The following TENM2 variants were observed in gnomAD, a reference collection of about 807,000 sequenced individuals.
TENM2 encodes the protein teneurin-2.
Under a neutral mutation model 245.2 loss-of-function variants are expected in TENM2, and 52 were observed. The observed-to-expected ratio is 0.21, with a 90% CI of 0.17 to 0.27. The LOEUF is 0.27. Among genes scored for constraint, TENM2 ranks in the 10% least tolerant of loss-of-function variants. The pLI, the probability that TENM2 is intolerant of heterozygous loss-of-function variation, is 1.00. For synonymous variants in TENM2, 1,363 were observed against 1,438.9 expected (o/e 0.95, Z 1.19); for missense variants, 3,046 against 3,666.8 (o/e 0.83, Z 4.37).
In TENM2 at chr5:167,382,121, A is replaced by C. The variant is rs547331386; in HGVS notation, c.502+6648A>C. On this transcript the variant is annotated intron_variant, in intron 2 of 28. Transcript: ENST00000518659. ...AAGCTATTTTAATGTAAAAGTATTT[A>C]GGTGGACTATTTGGAAATAGATGGA... Among the ~76,000 whole-genome samples the C allele has an allele frequency of 1.5e-3, 234 of 152,322 alleles. 3 individuals are homozygous for C. The highest frequency in any genetic ancestry group is 2.9e-3 in the South Asian group (14 of 4,832).
rs142450733 is a variant in TENM2, at chr5:167,470,883, A to G, written c.502+95410A>G. On this transcript the variant is annotated intron_variant, in intron 2 of 28. Transcript: ENST00000518659. ...ACCCATTGAAGGAGGTCTGTCATCT[A>G]TATAGGGTTTGGCAGCTTAGTATGG... is the stretch of plus-strand genomic sequence containing the variant. 3.5e-3 allele frequency among the ~76,000 whole-genome samples: 526 copies of G among 152,254 alleles called. 3 individuals are homozygous for G. Among genetic ancestry groups the G allele is most frequent in the African/African-American group, 0.012 (492 of 41,550 alleles).
At chr5:167,346,974 A>G (rs915069069) in intron 1 of TENM2, among the ~76,000 whole-genome samples, 6 of 151,856 alleles carry the variant, frequency 4.0e-5, no homozygotes, top group African/African-American at 1.2e-4. Flanking sequence ...GGGTCTTGCC[A>G]TGTTGCCCAG....
chr5:166,985,532 G>C, the TENM2 span, among the ~76,000 whole-genome samples: 1 of 152,052 alleles, frequency 6.6e-6, no homozygotes, highest in South Asian at 2.1e-4. Flanking sequence ...CAACTTGTGT[G>C]ACCCAAAATC....
chr5:167,246,879 A>G, the TENM2 span, among the ~76,000 whole-genome samples: 2 of 151,976 alleles, frequency 1.3e-5, no homozygotes, highest in African/African-American at 2.4e-5. Flanking sequence ...AAGCCCCCCT[A>G]CTAACATCGC....
At chr5:168,241,755 A>G (rs1766122802) in intron 25 of TENM2, among the ~76,000 whole-genome samples, 1 of 152,184 alleles carries the variant, frequency 6.6e-6, no homozygotes, top group Non-Finnish European at 1.5e-5. Flanking sequence ...CATGAAAGTG[A>G]AAATGGGATC....
At chr5:167,579,677 A>G (rs1162340674) in intron 2 of TENM2, among the ~76,000 whole-genome samples, 2 of 152,186 alleles carry the variant, frequency 1.3e-5, no homozygotes, top group African/African-American at 4.8e-5. Flanking sequence ...AGTGTGGAGA[A>G]TTCTTAAAGT....
the TENM2 span, among the ~76,000 whole-genome samples, chr5:167,145,131 G>A: frequency 6.6e-6 from 1 of 152,086 alleles, no homozygotes; most frequent in Non-Finnish European, 1.5e-5. Flanking sequence ...TGAATACTCC[G>A]TAATAATCTC....
At chr5:167,966,645 A>G (rs1359311984) in intron 4 of TENM2, among the ~76,000 whole-genome samples, 1 of 152,220 alleles carries the variant, frequency 6.6e-6, no homozygotes, top group Non-Finnish European at 1.5e-5. Flanking sequence ...AAACATCTTC[A>G]CCATGCTGAG....
chr5:168,223,748 C>T (rs914977374), intron 23 of TENM2, among the ~76,000 whole-genome samples: 21 of 152,110 alleles, frequency 1.4e-4, no homozygotes, highest in African/African-American at 5.1e-4. Context: ...TGATTACGGG[C>T]ACAAGCCACC....
the TENM2 span, among the ~76,000 whole-genome samples, chr5:167,061,410 T>C: frequency 6.6e-6 from 1 of 152,220 alleles, no homozygotes; most frequent in African/African-American, 2.4e-5. Context: ...GGCTGTTTAA[T>C]GCAATTTGCA....
intron 2 of TENM2, among the ~76,000 whole-genome samples, chr5:167,478,742 C>G (rs974750602): frequency 1.1e-4 from 16 of 152,076 alleles, no homozygotes; most frequent in African/African-American, 3.9e-4. Flanking sequence ...AGTAGCAAAC[C>G]ATTTTTAAAA....
chr5:167,248,842 C>G, the TENM2 span, among the ~76,000 whole-genome samples: 4 of 151,678 alleles, frequency 2.6e-5, no homozygotes, highest in African/African-American at 9.7e-5. Flanking sequence ...TTTCAAAGTT[C>G]TTGACTGAAA....
intron 5 of TENM2, among the ~76,000 whole-genome samples, chr5:168,008,657 A>T (rs1008542945): frequency 3.3e-5 from 5 of 152,208 alleles, no homozygotes; most frequent in Non-Finnish European, 5.9e-5. Flanking sequence ...TTTCAAAGAA[A>T]AGACAGATTT....
intron 3 of TENM2, among the ~76,000 whole-genome samples, chr5:167,936,837 C>A (rs1196210770): frequency 6.6e-6 from 1 of 152,190 alleles, no homozygotes; most frequent in African/African-American, 2.4e-5. Context: ...CTCCTAGTCA[C>A]TAATCTGTCC....
chr5:167,107,259 T>TGAAA, the TENM2 span, among the ~76,000 whole-genome samples: 1 of 139,570 alleles, frequency 7.2e-6, no homozygotes, highest in East Asian at 2.1e-4. Flanking sequence ...CGAAACTTCG[T>TGAAA]GAAAGAAAGA....
intron 2 of TENM2, among the ~76,000 whole-genome samples, chr5:167,600,088 T>TAGCCAACACTG (rs1314946515): frequency 4.7e-5 from 7 of 149,404 alleles, no homozygotes; most frequent in South Asian, 2.2e-4. Flanking sequence ...GGAGTTTGCT[T>TAGCCAACACTG]CATTTATAGG....
chr5:167,499,020 A>G (rs1582212637), intron 2 of TENM2, among the ~76,000 whole-genome samples: 2 of 152,140 alleles, frequency 1.3e-5, no homozygotes, highest in African/African-American at 4.8e-5. Flanking sequence ...CATAGCTACT[A>G]GAATCTAGTG....
chr5:168,170,354 A>C (rs1310873226), intron 13 of TENM2, among the ~76,000 whole-genome samples: 3 of 152,136 alleles, frequency 2.0e-5, no homozygotes, highest in African/African-American at 7.2e-5. Context: ...AAATACAAAA[A>C]TTAGCCGGGC....
At chr5:167,640,338 C>A (rs965656734) in intron 2 of TENM2, among the ~76,000 whole-genome samples, 2 of 152,120 alleles carry the variant, frequency 1.3e-5, no homozygotes, top group African/African-American at 2.4e-5. Context: ...CTTGGTATGG[C>A]CGGGCGCGGT....
Sources: allele counts gnomAD v4.1 joint callset (sites outside exome capture counted in the v4.1 genomes callset), GRCh38; gene constraint gnomAD v4.1.1; transcripts MANE v1.5; gene names NCBI Gene and HGNC (gene_info 2026-07-23, HGNC 2026-07-21).